Variants in MAPK8 observed in about 807,000 individuals in gnomAD.
MAPK8 encodes mitogen-activated protein kinase 8, also known as JUN N-terminal kinase.
MAPK8 carries 13 observed loss-of-function variants against 52.9 expected under a neutral mutation model. The ratio of observed to expected loss-of-function variants is 0.25; its 90% CI spans 0.16 to 0.39. The LOEUF (loss-of-function observed/expected upper bound fraction) is 0.39, where lower values mean the gene tolerates loss of function less well. Ranked by LOEUF, MAPK8 falls within the 10% of genes least tolerant of loss-of-function variation. The pLI, the probability that MAPK8 is intolerant of heterozygous loss-of-function variation, is 1.00. For synonymous variants in MAPK8, 191 were observed against 169.8 expected (o/e 1.12, Z -0.97); for missense variants, 300 against 519.2 (o/e 0.58, Z 4.10).
chr10:48,328,039 CAA>C lies in MAPK8; in HGVS notation c.-50+21220_-50+21221del, dbSNP rs376213804. Among the ~76,000 whole-genome samples the C allele has an allele frequency of 3.5e-3, 526 of 151,986 alleles. 5 individuals are homozygous for C. Among genetic ancestry groups the C allele is most frequent in the African/African-American group, 0.012 (512 of 41,446 alleles). On this transcript the variant is annotated intron_variant, in intron 1 of 11. Transcript: ENST00000374189. ...TTTTCTTCTTTTGTTTTTTTTGAGA[CAA>C]AGAGTCTCACTGTCACCCAGGCTGG...
Position 48,425,896 on chromosome 10 carries a change from C to T in MAPK8, c.697C>T (p.Gln233Ter). The change falls in exon 8 of 12, where the codon CAG becomes TAG. Residue 233 changes from glutamine to a stop codon, truncating the protein, a stop_gained. Coordinates refer to ENST00000374189, the MANE Select transcript of MAPK8 (RefSeq NM_001323329.2). LOFTEE classifies it high-confidence loss of function. Reference sequence around the variant, plus strand: ...TAGCTACTTGATATTAGATATTGATCAGTGGAATAAAGTTATTGAACAGCT... The same window carrying T: ...TAGCTACTTGATATTAGATATTGATTAGTGGAATAAAGTTATTGAACAGCT... ...ILFPGRDYIDQWNKVIEQLGT... is the reference protein window; with the variant it reads ...ILFPGRDYID 1.3e-6 allele frequency: 2 copies of T among 1,593,882 alleles called. No individual in the cohort carries two copies. Among genetic ancestry groups the T allele is most frequent in the Non-Finnish European group, 1.7e-6 (2 of 1,168,182 alleles).
At chr10:48,420,832 G>A (rs779131775) in intron 6 of MAPK8, among the ~76,000 whole-genome samples, 16 of 152,020 alleles carry the variant, frequency 1.1e-4, no homozygotes, top group Non-Finnish European at 1.9e-4. Flanking sequence ...TCATTAAAAC[G>A]TTGTATCCAG....
chr10:48,426,128 G>C, intron 8 of MAPK8, 58 bp downstream of exon 8: 1 of 1,407,556 alleles, frequency 7.1e-7, no homozygotes, highest in East Asian at 2.3e-5. Context: ...GTGTGTGTAT[G>C]GGTTTGTGTG....
chr10:48,386,185 A>G (rs2041300565), intron 1 of MAPK8, among the ~76,000 whole-genome samples: 1 of 152,168 alleles, frequency 6.6e-6, no homozygotes, highest in Non-Finnish European at 1.5e-5. Flanking sequence ...AGATTTGGCA[A>G]AAGTTAGAAG....
chr10:48,308,509 T>A (rs932965924), intron 1 of MAPK8, among the ~76,000 whole-genome samples: 8 of 152,152 alleles, frequency 5.3e-5, no homozygotes, highest in African/African-American at 1.9e-4. Context: ...AAATAAAATC[T>A]TGTCTAAATA....
chr10:48,386,808 A>G (rs1458926948), intron 1 of MAPK8, among the ~76,000 whole-genome samples: 1 of 152,194 alleles, frequency 6.6e-6, no homozygotes, highest in Non-Finnish European at 1.5e-5. Flanking sequence ...ATTGAAATAT[A>G]TATATTTTAA....
intron 1 of MAPK8, among the ~76,000 whole-genome samples, chr10:48,388,534 T>C (rs2041445051): frequency 6.6e-6 from 1 of 152,050 alleles, no homozygotes; most frequent in African/African-American, 2.4e-5. Context: ...AGGATAAAAA[T>C]GGGACAGTTA....
intron 1 of MAPK8, among the ~76,000 whole-genome samples, chr10:48,367,404 C>A (rs1339543084): frequency 2.0e-5 from 3 of 149,934 alleles, no homozygotes; most frequent in Admixed American, 6.6e-5. Context: ...TAAATAAATA[C>A]ATATATATGT....
At chr10:48,346,698 C>T (rs1325215237) in intron 1 of MAPK8, among the ~76,000 whole-genome samples, 2 of 152,318 alleles carry the variant, frequency 1.3e-5, no homozygotes, top group South Asian at 2.1e-4. Context: ...TGGTCCCACT[C>T]CTAGTCTGCC....
chr10:48,380,763 A>G (rs193118399), intron 1 of MAPK8, among the ~76,000 whole-genome samples: 31 of 152,244 alleles, frequency 2.0e-4, no homozygotes, highest in African/African-American at 7.5e-4. Context: ...TGTAAATTAA[A>G]CAGATATCAA....
intron 1 of MAPK8, among the ~76,000 whole-genome samples, chr10:48,312,002 A>G (rs1344566690): frequency 6.6e-6 from 1 of 152,246 alleles, no homozygotes; most frequent in Non-Finnish European, 1.5e-5. Context: ...GATAAGGATT[A>G]ACGTAAGCAC....
At chr10:48,343,077 G>A (rs554561510) in intron 1 of MAPK8, among the ~76,000 whole-genome samples, 1 of 152,310 alleles carries the variant, frequency 6.6e-6, no homozygotes, top group East Asian at 1.9e-4. Flanking sequence ...AGAAGTTACC[G>A]TGTGTTGCTT....
rs73307989 is a variant in MAPK8 at position 48,395,739 on chromosome 10, G to T, written c.-49-5873G>T. On this transcript the variant is annotated intron_variant, in intron 1 of 11. Transcript: ENST00000374189. Reference sequence around the variant, plus strand: ...CACACCACTAGATTCTAACTAAGACGTAACATACAGCATTATACTCAGGAC... The same window carrying T: ...CACACCACTAGATTCTAACTAAGACTTAACATACAGCATTATACTCAGGAC... Among the ~76,000 whole-genome samples, 531 of 152,040 alleles carry T rather than the reference G, an allele frequency of 3.5e-3. 5 individuals are homozygous for T. Among genetic ancestry groups the T allele is most frequent in the African/African-American group, 0.012 (518 of 41,522 alleles).
At position 48,376,682 on chromosome 10, in the gene MAPK8, T is replaced by TA. The variant is rs1293417277; in HGVS notation, c.-49-24929dup. The stretch of plus-strand genomic sequence containing the variant: ...ATGCAAATCAGAAACCACAATGAGA[T>TA]ACCATCTCACTCCAGTTAGAATGGC... On this transcript the variant is annotated intron_variant, in intron 1 of 11. Transcript: ENST00000374189. Among the ~76,000 whole-genome samples, 8 of 152,304 alleles carry TA rather than the reference T, an allele frequency of 5.3e-5. No homozygotes were observed. The East Asian group carries it at 1.5e-3, about 29-fold the overall frequency.
rs1325830337 is a variant in MAPK8 at position 48,435,692 on chromosome 10, A to G, written c.*663A>G. The G allele has an allele frequency of 6.6e-6, 1 of 152,228 alleles. No homozygotes were observed. Among genetic ancestry groups the G allele is most frequent in the African/African-American group, 2.4e-5 (1 of 41,452 alleles). 9.4% of individuals were successfully genotyped at this position (152,228 alleles called of 1,614,324 possible). A position where few individuals can be genotyped will look rare whatever the true frequency, so the allele number is the denominator to read the frequency against. Reference sequence around the variant, plus strand: ...TCTAAATGGCAGAATAACTCAGAGCATGTCTTTGAAGATGCTGGGCGTCTA... The same window carrying G: ...TCTAAATGGCAGAATAACTCAGAGCGTGTCTTTGAAGATGCTGGGCGTCTA... On this transcript the variant is annotated 3_prime_UTR_variant, in exon 12 of 12. Transcript: ENST00000374189.
At chr10:48,427,167 G>A (rs2043735475) in intron 10 of MAPK8, 24 bp downstream of exon 10, 1 of 1,580,380 alleles carries the variant, frequency 6.3e-7, no homozygotes, top group African/African-American at 1.3e-5. Context: ...ATTCTTAGAG[G>A]GAAAACTGTG....
chr10:48,413,144 A>C (rs77051708), intron 5 of MAPK8, among the ~76,000 whole-genome samples: 3,458 of 152,310 alleles, frequency 0.023, 144 homozygotes, highest in African/African-American at 0.079. Flanking sequence ...TCAAGGCTGA[A>C]TAATATTCCA....
intron 3 of MAPK8, among the ~76,000 whole-genome samples, chr10:48,405,639 T>C (rs993600107): frequency 3.3e-5 from 5 of 152,232 alleles, no homozygotes; most frequent in African/African-American, 1.2e-4. Context: ...ATTCATACTT[T>C]TGTGATTGTT....
chr10:48,333,964 T>C (rs1419060174), intron 1 of MAPK8, among the ~76,000 whole-genome samples: 1 of 151,358 alleles, frequency 6.6e-6, no homozygotes, highest in African/African-American at 2.4e-5. Context: ...CTCCTGGATC[T>C]CAGAGCTGCT....
Sources: allele counts gnomAD v4.1 joint callset (sites outside exome capture counted in the v4.1 genomes callset), GRCh38; gene constraint gnomAD v4.1.1; transcripts MANE v1.5; gene names NCBI Gene and HGNC (gene_info 2026-07-23, HGNC 2026-07-21).